LTBP2: variants seen among roughly 807,000 people sequenced by gnomAD.
The protein encoded by LTBP2 is latent-transforming growth factor beta-binding protein 2.
LTBP2 carries 103 observed loss-of-function variants against 210.6 expected under a neutral mutation model. The ratio of observed to expected loss-of-function variants is 0.49; its 90% CI spans 0.42 to 0.58. The LOEUF (loss-of-function observed/expected upper bound fraction) is 0.58. Among genes scored for constraint, LTBP2 ranks in the 20% least tolerant of loss-of-function variants. The pLI, the probability that LTBP2 is intolerant of heterozygous loss-of-function variation, is 0.00. For synonymous variants in LTBP2, 1,007 were observed against 1,015.0 expected, an observed-to-expected ratio of 0.99 and a Z score of 0.15; for missense variants, 2,313 against 2,494.5, an observed-to-expected ratio of 0.93 and a Z score of 1.55.
At chr14:74,516,703 T>A in intron 18 of LTBP2, 119 bp downstream of exon 18, 1 of 1,345,164 alleles carries the variant, frequency 7.4e-7, no homozygotes, top group South Asian at 1.3e-5. Flanking sequence ...AGACGTGGGC[T>A]CAGCATCAAG....
chr14:74,605,580 G>T (rs550499506), intron 1 of LTBP2, among the ~76,000 whole-genome samples: 1 of 152,216 alleles, frequency 6.6e-6, no homozygotes, highest in Non-Finnish European at 1.5e-5. Context: ...CTCTCGTGGG[G>T]CTAGGAGGGC....
intron 15 of LTBP2, among the ~76,000 whole-genome samples, chr14:74,524,265 G>T (rs1461358723): frequency 6.6e-6 from 1 of 152,284 alleles, no homozygotes; most frequent in East Asian, 1.9e-4. Context: ...AGCGCTTTGA[G>T]CCCAGAGGAG....
intron 13 of LTBP2, among the ~76,000 whole-genome samples, chr14:74,527,083 AG>A (rs923081325): frequency 9.9e-5 from 15 of 152,222 alleles, no homozygotes; most frequent in African/African-American, 3.4e-4. Context: ...TCCTTTCTGA[AG>A]GGGCCCCAGC....
chr14:74,555,267 G>A (rs2087714249), intron 4 of LTBP2, among the ~76,000 whole-genome samples: 1 of 152,122 alleles, frequency 6.6e-6, no homozygotes, highest in Non-Finnish European at 1.5e-5. Flanking sequence ...AGATTGGGCA[G>A]AAATAGAGCA....
At chr14:74,559,529 C>G (rs796659313) in intron 3 of LTBP2, among the ~76,000 whole-genome samples, 2 of 152,140 alleles carry the variant, frequency 1.3e-5, no homozygotes, top group African/African-American at 4.8e-5. Context: ...GCGAGAGAGG[C>G]TCTCGCTGTG....
At chr14:74,576,393 T>C (rs1391401324) in intron 3 of LTBP2, among the ~76,000 whole-genome samples, 12 of 152,166 alleles carry the variant, frequency 7.9e-5, no homozygotes, top group Admixed American at 7.9e-4. Context: ...AGATCCCTGC[T>C]CTTGAGGAAT....
intron 17 of LTBP2, among the ~76,000 whole-genome samples, chr14:74,518,971 A>C (rs2087168330): frequency 6.6e-6 from 1 of 152,228 alleles, no homozygotes; most frequent in South Asian, 2.1e-4. Flanking sequence ...TGTCTGATAG[A>C]TGGTGCTGGA....
intron 2 of LTBP2, among the ~76,000 whole-genome samples, chr14:74,595,433 C>T (rs2088346533): frequency 6.6e-6 from 1 of 152,208 alleles, no homozygotes; most frequent in African/African-American, 2.4e-5. Flanking sequence ...TGTCCATCCC[C>T]ACAGTCCCAA....
At chr14:74,607,050 T>C (rs1016763827) in intron 1 of LTBP2, among the ~76,000 whole-genome samples, 9 of 152,180 alleles carry the variant, frequency 5.9e-5, no homozygotes, top group Non-Finnish European at 1.2e-4. Flanking sequence ...TGGTATACAA[T>C]TGATACTTGT....
intron 3 of LTBP2, among the ~76,000 whole-genome samples, chr14:74,567,929 A>G (rs147715159): frequency 2.0e-3 from 299 of 152,190 alleles, no homozygotes; most frequent in Non-Finnish European, 3.1e-3. Context: ...CACACGGTGA[A>G]CCTGGATTTC....
At chr14:74,513,506 T>C (rs1252391404) in intron 18 of LTBP2, among the ~76,000 whole-genome samples, 1 of 152,140 alleles carries the variant, frequency 6.6e-6, no homozygotes, top group East Asian at 1.9e-4. Context: ...ACTGATGAGA[T>C]AGAAACTTGG....
Position 74,556,809 on chromosome 14 carries a change from C to T in LTBP2, c.831-1116G>A, listed in dbSNP as rs147176231. Among the ~76,000 whole-genome samples the T allele has an allele frequency of 3.3e-3, 509 of 152,308 alleles. 8 individuals carry two copies. The highest frequency in any genetic ancestry group is 0.012 in the African/African-American group (479 of 41,580). ...TTGGGATTACAGGCGTGAGCCACTGCACCTGGACTGTTTTTAAGTTTTAAA... is the reference window on the plus strand; with the variant it reads ...TTGGGATTACAGGCGTGAGCCACTGTACCTGGACTGTTTTTAAGTTTTAAA... On this transcript the variant is annotated intron_variant, in intron 3 of 35. Coordinates refer to ENST00000261978, the MANE Select transcript of LTBP2 (RefSeq NM_000428.3).
At position 74,516,898 on chromosome 14, in the gene LTBP2, C is replaced by A; in HGVS notation, c.2832G>T (p.Gln944His). 6.4e-7 allele frequency: 1 copy of A among 1,551,972 alleles called. No homozygotes were observed. Among genetic ancestry groups the A allele is most frequent in the Non-Finnish European group, 8.7e-7 (1 of 1,147,126 alleles). Residue 944 changes from glutamine (Q) to histidine (H), a missense_variant, in exon 18 of 36, where the codon CAG (glutamine) becomes CAT (histidine). Gln to His is a conservative substitution (Grantham distance 24, BLOSUM62 0). This residue lies in a region of LTBP2 where 1,867 missense variants were observed against 1,976.9 expected (regional missense o/e 0.94). Coordinates refer to ENST00000261978, the MANE Select transcript of LTBP2 (RefSeq NM_000428.3). The part of the protein sequence containing the change: ...CEQPGVCSGG[Q>H]CTNTEGSYHC... Reference sequence around the variant, plus strand: ...GGTACGAGCCCTCGGTGTTGGTGCACTGCCCCCCGCTGCACACCCCTGGCT... The same window carrying A: ...GGTACGAGCCCTCGGTGTTGGTGCAATGCCCCCCGCTGCACACCCCTGGCT...
At chr14:74,577,526 T>G (rs1698370982) in intron 3 of LTBP2, among the ~76,000 whole-genome samples, 1 of 150,736 alleles carries the variant, frequency 6.6e-6, no homozygotes, top group Non-Finnish European at 1.5e-5. Context: ...TTTTTTTTCT[T>G]GAAACAGAGT....
chr14:74,510,114 G>C lies in LTBP2; in HGVS notation c.3128C>G (p.Thr1043Ser), dbSNP rs756469312. 1.8e-5 allele frequency: 29 copies of C among 1,614,012 alleles called. No individual in the cohort carries two copies. Among genetic ancestry groups the C allele is most frequent in the Non-Finnish European group, 2.3e-5 (27 of 1,180,026 alleles). The part of the protein sequence containing the change: ...RCSCEQGYEV[T>S]SDEKGCQDVD... Reference sequence around the variant, plus strand: ...ACCTTGGCAGCCCTTCTCATCTGAGGTGACCTCATAGCCCTGCTCACAAGA... The same window carrying C: ...ACCTTGGCAGCCCTTCTCATCTGAGCTGACCTCATAGCCCTGCTCACAAGA... The change falls in exon 20 of 36, where the codon ACC becomes AGC. Residue 1043 changes from threonine (T) to serine (S), a missense_variant. Physicochemically the swap from Thr to Ser is moderately conservative, Grantham distance 58. Transcript: ENST00000261978.
rs935996135 is a variant in LTBP2, at chr14:74,505,962, G to C, written c.4177+86C>G. 5.1e-6 allele frequency: 8 copies of C among 1,556,550 alleles called. No homozygotes were observed. In the African/African-American group the frequency reaches 5.4e-5, roughly 11 times the overall value. ...GCCCTGGCCCAGTGTCCCCCTCAGC[G>C]GCTAGAGGCTAGTAGAGGGATGCAG... On this transcript the variant is annotated intron_variant, in intron 28 of 35. Coordinates refer to ENST00000261978, the MANE Select transcript of LTBP2 (RefSeq NM_000428.3).
rs762162167 is a variant in LTBP2 at position 74,522,860 on chromosome 14, G to T, written c.2589C>A (p.Asn863Lys). 5.6e-6 allele frequency: 9 copies of T among 1,612,822 alleles called. No individual in the cohort carries two copies. Among genetic ancestry groups the T allele is most frequent in the Non-Finnish European group, 7.6e-6 (9 of 1,179,644 alleles). Residue 863 changes from asparagine to lysine, a missense_variant, in exon 16 of 36, where the codon AAC becomes AAA. Transcript: ENST00000261978. ...TNVCGPGTCVNLPDGYRCVCS... is the reference protein window; with the variant it reads ...TNVCGPGTCVKLPDGYRCVCS... ...AGACACATCTGTATCCATCGGGGAG[G>T]TTCACGCAGGTTCCAGGGCCACAGA...
intron 25 of LTBP2, 40 bp downstream of exon 25, chr14:74,507,933 A>G: frequency 6.2e-7 from 1 of 1,610,856 alleles, no homozygotes; most frequent in East Asian, 2.2e-5. Flanking sequence ...AGATGGGCAG[A>G]TGTGGGCAGA....
At chr14:74,556,519 C>CTTGTAT (rs2087731115) in intron 3 of LTBP2, among the ~76,000 whole-genome samples, 1 of 152,052 alleles carries the variant, frequency 6.6e-6, no homozygotes, top group African/African-American at 2.4e-5. Context: ...AAGTTTTTTG[C>CTTGTAT]TTGTTTTTGT....
Sources: gnomAD v4.1 joint callset for allele counts (sites outside exome capture counted in the v4.1 genomes callset) on GRCh38, gnomAD v4.1.1 for gene constraint, gnomAD v4.1.1 regional missense constraint, MANE v1.5 for transcripts, NCBI Gene and HGNC (gene_info 2026-07-23, HGNC 2026-07-21) for gene names.